The following GRAMD4 variants were observed in gnomAD, a reference collection of about 807,000 sequenced individuals.
GRAMD4 encodes GRAM domain-containing protein 4.
GRAMD4 carries 25 observed loss-of-function variants against 83.9 expected under a neutral mutation model. The ratio of observed to expected loss-of-function variants is 0.30; its 90% CI spans 0.22 to 0.42. The LOEUF (loss-of-function observed/expected upper bound fraction) is 0.42. GRAMD4 is among the 10% of genes least tolerant of loss of function. The pLI is 1.00. For missense variants in GRAMD4, 593 were observed against 788.7 expected (o/e 0.75, Z 2.97); for synonymous variants, 336 against 320.9 (o/e 1.05, Z -0.50).
intron 1 of GRAMD4, among the ~76,000 whole-genome samples, chr22:46,603,491 G>A (rs1339375452): frequency 5.0e-4 from 73 of 145,312 alleles, no homozygotes; most frequent in Non-Finnish European, 6.6e-4. Context: ...TTACAGGCAT[G>A]AGCCACCGCG....
chr22:46,632,091 C>T (rs1451768138), intron 2 of GRAMD4, among the ~76,000 whole-genome samples: 5 of 152,384 alleles, frequency 3.3e-5, no homozygotes, highest in African/African-American at 7.2e-5. Flanking sequence ...TGCTTCCTTT[C>T]GTTGTGGGCT....
In GRAMD4 at chr22:46,659,693, T is replaced by C. The variant is rs945404078; in HGVS notation, c.404+1386T>C. On this transcript the variant is annotated intron_variant, in intron 4 of 18. Transcript: ENST00000406902. The surrounding 1 kb of genome is among the most constrained non-coding windows in gnomAD (Gnocchi z 4.1). ...CCGCCTCCTGCAGGTCAGCATGACC[T>C]TGTGGAGTGCCCTGGGGGGCTCATG... 6.6e-6 allele frequency among the ~76,000 whole-genome samples: 1 copy of C among 151,794 alleles called. No individual in the cohort carries two copies. The highest frequency in any genetic ancestry group is 2.4e-5 in the African/African-American group (1 of 41,312).
At chr22:46,662,979 C>G (rs1482758453) in intron 5 of GRAMD4, 61 bp from the exon 6 acceptor site, 1 of 1,499,852 alleles carries the variant, frequency 6.7e-7, no homozygotes, top group Non-Finnish European at 9.0e-7. Context: ...GATCCCGGAG[C>G]CGACCCCAGA....
Position 46,668,743 on chromosome 22 carries a change from C to G in GRAMD4, c.974+11C>G. 2 of 786,504 alleles carry G rather than the reference C, an allele frequency of 2.5e-6. No homozygotes were observed. The highest frequency in any genetic ancestry group is 4.3e-6 in the Non-Finnish European group (2 of 468,846). The allele number at this position is 786,504 out of a possible 1,614,324, so 48.7% of individuals were successfully genotyped here. A position where few individuals can be genotyped will look rare whatever the true frequency, so the allele number is the denominator to read the frequency against. ...GGAGAAGATCAAGAAGTAAGTCCCGCCCCCCACCCCGGCCCTGCGGCGCCC... is the reference window on the plus strand; with the variant it reads ...GGAGAAGATCAAGAAGTAAGTCCCGGCCCCCACCCCGGCCCTGCGGCGCCC... On this transcript the variant is annotated intron_variant, in intron 12 of 18. Coordinates refer to ENST00000406902, the MANE Select transcript of GRAMD4 (RefSeq NM_015124.5).
At chr22:46,581,215 C>G (rs376121614) in intron 1 of GRAMD4, among the ~76,000 whole-genome samples, 1 of 152,184 alleles carries the variant, frequency 6.6e-6, no homozygotes, top group Admixed American at 6.5e-5. Context: ...TGTGGTTACA[C>G]AGGAAAGGCA....
At chr22:46,615,458 C>G (rs186670052), upstream of GRAMD4, among the ~76,000 whole-genome samples, 197 of 125,108 alleles carry the variant, frequency 1.6e-3, no homozygotes, top group African/African-American at 5.8e-3. Context: ...TCGGTTTCCC[C>G]GTGTGTAGGT....
At chr22:46,624,938 T>G (rs1333300546) in intron 1 of GRAMD4, among the ~76,000 whole-genome samples, 2 of 150,504 alleles carry the variant, frequency 1.3e-5, no homozygotes, top group East Asian at 2.0e-4. Flanking sequence ...TCAGCTCACT[T>G]CAAGCTCCGC....
chr22:46,609,371 G>T (rs2081396304), intron 1 of GRAMD4, among the ~76,000 whole-genome samples: 1 of 152,224 alleles, frequency 6.6e-6, no homozygotes, highest in African/African-American at 2.4e-5. Flanking sequence ...TGTATCCCAG[G>T]GCTTGGTCCA....
chr22:46,590,618 CCAGGTGAGTGTCAA>C (rs2081197518), intron 1 of GRAMD4, among the ~76,000 whole-genome samples: 1 of 152,144 alleles, frequency 6.6e-6, no homozygotes, highest in African/African-American at 2.4e-5. Context: ...CGGGCTGGGC[CCAGGTGAGTGTCAA>C]CAGGGGAGGG....
At chr22:46,680,825 T>C (rs1459506256), downstream of GRAMD4, among the ~76,000 whole-genome samples, 2 of 92,598 alleles carry the variant, frequency 2.2e-5, no homozygotes, top group Non-Finnish European at 2.0e-5. Context: ...CATCCATCCA[T>C]CCATCCATCC....
intron 15 of GRAMD4, 34 bp downstream of exon 15, chr22:46,673,848 C>T (rs758514253): frequency 5.0e-6 from 8 of 1,609,326 alleles, no homozygotes; most frequent in Admixed American, 3.3e-5. Context: ...CCAGGCCGAG[C>T]GCCGACACAG....
chr22:46,597,817 C>A (rs1171618713), intron 1 of GRAMD4, among the ~76,000 whole-genome samples: 1 of 152,298 alleles, frequency 6.6e-6, no homozygotes, highest in Non-Finnish European at 1.5e-5. Context: ...AGGACAAAAA[C>A]AAGTACAGTT....
At chr22:46,579,357 G>C (rs955034144) in intron 1 of GRAMD4, among the ~76,000 whole-genome samples, 2 of 152,366 alleles carry the variant, frequency 1.3e-5, no homozygotes, top group Admixed American at 6.5e-5. Context: ...AAACGAGGGA[G>C]GAGAATCAGA....
intron 1 of GRAMD4, among the ~76,000 whole-genome samples, chr22:46,600,240 G>A (rs7284276): frequency 1.3e-5 from 2 of 152,060 alleles, no homozygotes; most frequent in African/African-American, 4.8e-5. Context: ...GGTGGGATGT[G>A]GGCCACTGCT....
At chr22:46,639,671 CGT>C (rs146371575) in intron 3 of GRAMD4, among the ~76,000 whole-genome samples, 4 of 150,346 alleles carry the variant, frequency 2.7e-5, no homozygotes, top group African/African-American at 9.8e-5. Flanking sequence ...GCAGTATTAC[CGT>C]GTGTGTGTGT....
intron 14 of GRAMD4, 40 bp downstream of exon 14, chr22:46,673,037 G>T (rs766641881): frequency 6.6e-7 from 1 of 1,505,370 alleles, no homozygotes; most frequent in South Asian, 1.2e-5. Flanking sequence ...GGGGATGGGG[G>T]GCCACGAAGC....
chr22:46,676,816 G>C (rs1421823526), intron 18 of GRAMD4, 148 bp downstream of exon 18: 11 of 760,404 alleles, frequency 1.4e-5, no homozygotes, highest in Non-Finnish European at 2.2e-5. Context: ...GCAGCAGCTA[G>C]AGCCTGGGGC....
downstream of GRAMD4, among the ~76,000 whole-genome samples, chr22:46,681,679 G>A (rs190748416): frequency 7.9e-4 from 120 of 152,346 alleles, 2 homozygotes; most frequent in African/African-American, 2.7e-3. Flanking sequence ...GTGCGTCAGG[G>A]AGAGTCCAGA....
At chr22:46,635,745 GCC>G (rs1338249295) in intron 2 of GRAMD4, among the ~76,000 whole-genome samples, 3 of 21,732 alleles carry the variant, frequency 1.4e-4, no homozygotes, top group African/African-American at 4.3e-4. Flanking sequence ...TGTCCTCCCT[GCC>G]CCCCGCCCCT....
Sources: allele counts gnomAD v4.1 joint callset (sites outside exome capture counted in the v4.1 genomes callset), GRCh38; gene constraint gnomAD v4.1.1; non-coding constraint Gnocchi (gnomAD v3.1); transcripts MANE v1.5; gene names NCBI Gene and HGNC (gene_info 2026-07-23, HGNC 2026-07-21).